Variants in ACTR3C observed in about 807,000 individuals in gnomAD.
ACTR3C encodes the protein actin-related protein 3C.
Under a neutral mutation model 26.3 loss-of-function variants are expected in ACTR3C, and 18 were observed. The observed-to-expected ratio is 0.68, with a 90% CI of 0.47 to 1.01. The LOEUF (loss-of-function observed/expected upper bound fraction) is 1.01, where lower values mean the gene tolerates loss of function less well. Ranked by LOEUF, ACTR3C falls within the 50% of genes least tolerant of loss-of-function variation. The pLI is 0.00. For missense variants in ACTR3C, 184 were observed against 250.7 expected, an observed-to-expected ratio of 0.73 and a Z score of 1.80; for synonymous variants, 55 against 94.5, an observed-to-expected ratio of 0.58 and a Z score of 2.42.
At chr7:150,172,056 C>T in the ACTR3C span, among the ~76,000 whole-genome samples, 1 of 150,668 alleles carries the variant, frequency 6.6e-6, no homozygotes, top group African/African-American at 2.5e-5. Context: ...GTGATCCGCC[C>T]ACCTCGGCCT....
the ACTR3C span, among the ~76,000 whole-genome samples, chr7:150,177,299 T>C: frequency 0.067 from 10,066 of 150,676 alleles, 569 homozygotes; most frequent in South Asian, 0.18. Context: ...ATAATATCCC[T>C]AGAAGTCAAC....
rs76814002 is a variant in ACTR3C at position 150,315,836 on chromosome 7, T to C, written c.-52+7633A>G. 4.3e-3 allele frequency among the ~76,000 whole-genome samples: 649 copies of C among 152,252 alleles called. 2 individuals carry two copies. Among genetic ancestry groups the C allele is most frequent in the Middle Eastern group, 6.8e-3 (2 of 294 alleles). Reference sequence around the variant, plus strand: ...AAACACTCCCAACACTATACTTTTTTTTTTTTCACTTAACGATGTATCCTG... The same window carrying C: ...AAACACTCCCAACACTATACTTTTTCTTTTTTCACTTAACGATGTATCCTG... On this transcript the variant is annotated intron_variant, in intron 1 of 7. Transcript: ENST00000683684.
the ACTR3C span, among the ~76,000 whole-genome samples, chr7:150,022,863 G>C: frequency 3.0e-5 from 1 of 33,336 alleles, no homozygotes; most frequent in Admixed American, 5.1e-4. Flanking sequence ...GAATTACTAA[G>C]ACTTTATAAT....
chr7:150,202,071 T>C, the ACTR3C span, among the ~76,000 whole-genome samples: 1 of 152,320 alleles, frequency 6.6e-6, no homozygotes, highest in South Asian at 2.1e-4. Context: ...TCCTTGTTTG[T>C]AATAACACAT....
chr7:149,891,271 A>G, the ACTR3C span: 2 of 1,278,038 alleles, frequency 1.6e-6, no homozygotes, highest in Non-Finnish European at 2.2e-6. Context: ...ATAAGATCCC[A>G]GTCTTCAATG....
the ACTR3C span, among the ~76,000 whole-genome samples, chr7:150,170,609 G>A: frequency 2.8e-3 from 417 of 150,730 alleles, 1 homozygote; most frequent in Non-Finnish European, 4.4e-3. Context: ...TTTGTGCCAC[G>A]TGTTATATTT....
downstream of ACTR3C, chr7:150,245,895 G>A (rs2533398): frequency 6.6e-6 from 1 of 152,202 alleles, no homozygotes; most frequent in Non-Finnish European, 1.5e-5. Context: ...AAGAAGAATG[G>A]TTCAAGTTAT....
chr7:150,174,187 A>C, the ACTR3C span, among the ~76,000 whole-genome samples: 1 of 139,602 alleles, frequency 7.2e-6, no homozygotes, highest in Admixed American at 6.7e-5. Flanking sequence ...CTGCTGATAA[A>C]GACACACCTA....
intron 6 of ACTR3C, among the ~76,000 whole-genome samples, chr7:150,257,474 A>G (rs192087210): frequency 2.0e-5 from 3 of 152,382 alleles, no homozygotes; most frequent in Non-Finnish European, 4.4e-5. Flanking sequence ...TGCCAGGCCA[A>G]TACCAAGAAG....
At chr7:150,193,408 C>CTTT in the ACTR3C span, among the ~76,000 whole-genome samples, 1 of 133,472 alleles carries the variant, frequency 7.5e-6, no homozygotes, top group Non-Finnish European at 1.6e-5. Context: ...TTTTTATTTT[C>CTTT]TTTTTTTTTT....
the ACTR3C span, among the ~76,000 whole-genome samples, chr7:149,897,131 T>G: frequency 6.6e-6 from 1 of 151,672 alleles, no homozygotes; most frequent in Admixed American, 6.6e-5. Flanking sequence ...TGACTCCACT[T>G]CAGACAGAGT....
chr7:149,896,054 A>AC, the ACTR3C span, among the ~76,000 whole-genome samples: 496 of 137,172 alleles, frequency 3.6e-3, 5 homozygotes, highest in African/African-American at 0.013. Flanking sequence ...AAAAAAAAAA[A>AC]AACACAAAAA....
the ACTR3C span, among the ~76,000 whole-genome samples, chr7:149,944,555 A>G: frequency 6.7e-6 from 1 of 150,314 alleles, no homozygotes; most frequent in Admixed American, 6.6e-5. Context: ...CTCCATCCTG[A>G]TGGTAACATG....
At chr7:150,003,498 TGTGTGGCATGCG>T in the ACTR3C span, among the ~76,000 whole-genome samples, 2 of 151,136 alleles carry the variant, frequency 1.3e-5, no homozygotes, top group Non-Finnish European at 3.0e-5. Context: ...GTATGTAGGA[TGTGTGGCATGCG>T]GTGTGGTATG....
chr7:150,098,695 G>A, the ACTR3C span, among the ~76,000 whole-genome samples: 4 of 151,838 alleles, frequency 2.6e-5, no homozygotes, highest in Non-Finnish European at 5.9e-5. Flanking sequence ...GTACCAAAAA[G>A]TGGCACAGAC....
At chr7:150,318,491 C>T (rs181049996) in intron 1 of ACTR3C, among the ~76,000 whole-genome samples, 13 of 152,256 alleles carry the variant, frequency 8.5e-5, no homozygotes, top group Admixed American at 7.2e-4. Context: ...TTGCCAGTTG[C>T]GGTGGCTCAC....
At chr7:150,041,952 G>C in the ACTR3C span, among the ~76,000 whole-genome samples, 3 of 142,858 alleles carry the variant, frequency 2.1e-5, no homozygotes. Flanking sequence ...CCCACGTAAG[G>C]TACCTGCTGT....
chr7:150,311,492 G>A (rs1796316135), intron 1 of ACTR3C, among the ~76,000 whole-genome samples: 1 of 152,070 alleles, frequency 6.6e-6, no homozygotes, highest in African/African-American at 2.4e-5. Flanking sequence ...CACACTTACT[G>A]TCTGCCCCTC....
the ACTR3C span, among the ~76,000 whole-genome samples, chr7:150,129,463 T>C: frequency 7.9e-5 from 12 of 152,266 alleles, no homozygotes; most frequent in Admixed American, 3.3e-4. Flanking sequence ...GATTTGCAGA[T>C]AAAATGAACA....
Sources: gnomAD v4.1 joint callset for allele counts (sites outside exome capture counted in the v4.1 genomes callset) on GRCh38, gnomAD v4.1.1 for gene constraint, MANE v1.5 for transcripts, NCBI Gene and HGNC (gene_info 2026-07-23, HGNC 2026-07-21) for gene names.